Variants in SLC67A1 observed in about 807,000 individuals in gnomAD.
SLC67A1 encodes the protein solute carrier family 67 member 1, also known as solute carrier family 67 member A1.
chr11:2,917,614 C>T, the SLC67A1 span, among the ~76,000 whole-genome samples: 1 of 152,232 alleles, frequency 6.6e-6, no homozygotes, highest in Non-Finnish European at 1.5e-5. Context: ...TCATGCTCTG[C>T]CCCAGGCCCC....
chr11:2,912,007 T>C, the SLC67A1 span, among the ~76,000 whole-genome samples: 1 of 152,172 alleles, frequency 6.6e-6, no homozygotes, highest in African/African-American at 2.4e-5. Context: ...AGACCAGCTG[T>C]GACATTTCCT....
the SLC67A1 span, among the ~76,000 whole-genome samples, chr11:2,910,439 G>A: frequency 6.6e-6 from 1 of 152,164 alleles, no homozygotes; most frequent in African/African-American, 2.4e-5. Context: ...CCTGTCTGAG[G>A]AGGCGGCATC....
chr11:2,912,276 CCCCTCGGG>C, the SLC67A1 span, among the ~76,000 whole-genome samples: 2 of 152,222 alleles, frequency 1.3e-5, no homozygotes, highest in Non-Finnish European at 2.9e-5. Flanking sequence ...CCCACACCTC[CCCCTCGGG>C]GGCTCACCGA....
At chr11:2,908,187 T>C in the SLC67A1 span, 2 of 1,134,308 alleles carry the variant, frequency 1.8e-6, no homozygotes, top group African/African-American at 1.6e-5. Flanking sequence ...TTCTAGGCCC[T>C]GCAGTCTTTC....
At chr11:2,921,396 G>T in the SLC67A1 span, 1 of 152,472 alleles carries the variant, frequency 6.6e-6, no homozygotes, top group African/African-American at 2.4e-5. Context: ...GCTGCAGGCT[G>T]GGCCTGCCCT....
chr11:2,903,575 T>G, the SLC67A1 span: 2 of 1,477,574 alleles, frequency 1.4e-6, no homozygotes, highest in Non-Finnish European at 1.9e-6. Context: ...TCGCAGAGAG[T>G]GGGGGTGGGG....
the SLC67A1 span, chr11:2,914,778 C>G: frequency 4.1e-6 from 4 of 985,418 alleles, no homozygotes; most frequent in Non-Finnish European, 4.8e-6. Context: ...AGGTTTTGCC[C>G]CTGCCCAGCC....
chr11:2,925,075 G>A, the SLC67A1 span: 18 of 1,613,628 alleles, frequency 1.1e-5, no homozygotes, highest in Middle Eastern at 1.6e-4. The surrounding 1 kb of genome is among the most constrained non-coding windows in gnomAD (Gnocchi z 6.5). Flanking sequence ...CACGGTCGGC[G>A]GCCTCCTGTA....
chr11:2,918,786 C>A, the SLC67A1 span: 1 of 155,118 alleles, frequency 6.4e-6, no homozygotes, highest in Non-Finnish European at 1.4e-5. Context: ...TAGGCCCCAC[C>A]TCCCAGGCTC....
the SLC67A1 span, among the ~76,000 whole-genome samples, chr11:2,907,867 G>A: frequency 6.6e-6 from 1 of 152,288 alleles, no homozygotes; most frequent in Non-Finnish European, 1.5e-5. The surrounding 1 kb of genome is among the most constrained non-coding windows in gnomAD (Gnocchi z 6.7). Flanking sequence ...TGGGGGCCTT[G>A]GGACAATCTG....
At chr11:2,917,208 G>T in the SLC67A1 span, among the ~76,000 whole-genome samples, 2 of 152,224 alleles carry the variant, frequency 1.3e-5, no homozygotes, top group Non-Finnish European at 2.9e-5. Flanking sequence ...AGAGGCCAAG[G>T]CTCCTCAGAG....
the SLC67A1 span, among the ~76,000 whole-genome samples, chr11:2,917,563 G>A: frequency 6.6e-6 from 1 of 152,232 alleles, no homozygotes; most frequent in Non-Finnish European, 1.5e-5. Context: ...ACAGAGAGTG[G>A]TACAGTATTG....
At chr11:2,899,812 T>C in the SLC67A1 span, 4 of 1,227,754 alleles carry the variant, frequency 3.3e-6, no homozygotes, top group South Asian at 3.2e-5. Flanking sequence ...CAGTGGTAAG[T>C]TTCCAGCATC....
the SLC67A1 span, chr11:2,916,538 A>C: frequency 9.8e-7 from 1 of 1,016,202 alleles, no homozygotes; most frequent in Non-Finnish European, 1.5e-6. Flanking sequence ...TTTTAGTGCA[A>C]CCAAAGGTGC....
At chr11:2,909,762 G>T in the SLC67A1 span, 2 of 1,404,008 alleles carry the variant, frequency 1.4e-6, no homozygotes, top group East Asian at 2.9e-5. Context: ...CCCGCGGCTG[G>T]GTCGGCCCCG....
At chr11:2,912,990 G>A in the SLC67A1 span, among the ~76,000 whole-genome samples, 1 of 152,186 alleles carries the variant, frequency 6.6e-6, no homozygotes, top group Non-Finnish European at 1.5e-5. Context: ...CTCAGAGAGG[G>A]AGGAGGGGAT....
the SLC67A1 span, among the ~76,000 whole-genome samples, chr11:2,906,033 G>A: frequency 5.9e-5 from 9 of 152,230 alleles, no homozygotes; most frequent in South Asian, 1.9e-3. Context: ...CAGGTGGGCA[G>A]GCTTGGGGAT....
At chr11:2,899,838 C>CGCCAGA in the SLC67A1 span, 1 of 935,860 alleles carries the variant, frequency 1.1e-6, no homozygotes, top group Non-Finnish European at 1.5e-6. Flanking sequence ...CACACCTCAG[C>CGCCAGA]GCCAGAGGAC....
the SLC67A1 span, among the ~76,000 whole-genome samples, chr11:2,924,539 G>A: frequency 0.015 from 2,324 of 152,290 alleles, 34 homozygotes; most frequent in Middle Eastern, 0.027. The surrounding 1 kb of genome is among the most constrained non-coding windows in gnomAD (Gnocchi z 8.6). Flanking sequence ...GGAAAGAGCC[G>A]TGAGAGCCAG....
Sources: allele counts gnomAD v4.1 joint callset (sites outside exome capture counted in the v4.1 genomes callset), GRCh38; gene constraint gnomAD v4.1.1; non-coding constraint Gnocchi (gnomAD v3.1); transcripts MANE v1.5; gene names NCBI Gene and HGNC (gene_info 2026-07-23, HGNC 2026-07-21).